The following IQCB1 variants were observed in gnomAD, a reference collection of about 807,000 sequenced individuals.
The protein encoded by IQCB1 is IQ motif containing B1.
A neutral mutation model predicts 84.4 loss-of-function variants in IQCB1; 56 were observed. The ratio of observed to expected loss-of-function variants is 0.66; its 90% CI spans 0.54 to 0.83. The LOEUF (loss-of-function observed/expected upper bound fraction) is 0.83, where lower values mean the gene tolerates loss of function less well. Ranked by LOEUF, IQCB1 falls within the 40% of genes least tolerant of loss-of-function variation. The pLI is 0.00. For synonymous variants in IQCB1, 210 were observed against 234.8 expected (o/e 0.89, Z 0.96); for missense variants, 629 against 682.1 (o/e 0.92, Z 0.87).
In IQCB1 at chr3:121,786,498, T is replaced by TA. The variant is rs10711478; in HGVS notation, c.1278+1785dup. 4.4e-4 allele frequency among the ~76,000 whole-genome samples: 65 copies of TA among 146,990 alleles called. No homozygotes were observed. In the Middle Eastern group the frequency reaches 0.014, roughly 33 times the overall value. ...GGTGACAGAGTGAGACCATGTCTCT[T>TA]AAAAAAAAAAAAAAGTAATCCTCTT... is the stretch of plus-strand genomic sequence containing the variant. On this transcript the variant is annotated intron_variant, in intron 12 of 14. Coordinates refer to ENST00000310864, the MANE Select transcript of IQCB1 (RefSeq NM_001023570.4).
intron 12 of IQCB1, among the ~76,000 whole-genome samples, chr3:121,782,852 G>T (rs902410628): frequency 3.9e-5 from 6 of 152,008 alleles, no homozygotes; most frequent in Non-Finnish European, 7.4e-5. Context: ...GCTAATTTTT[G>T]TATTTTTTAG....
chr3:121,824,117 AAAAGT>A (rs1353468397), intron 5 of IQCB1, among the ~76,000 whole-genome samples: 3 of 152,254 alleles, frequency 2.0e-5, no homozygotes, highest in Non-Finnish European at 4.4e-5. Flanking sequence ...ACAGAGGTTA[AAAAGT>A]AAAGGTTGAG....
At chr3:121,780,881 T>TGA (rs140189056) in intron 13 of IQCB1, among the ~76,000 whole-genome samples, 2,285 of 145,628 alleles carry the variant, frequency 0.016, 60 homozygotes, top group African/African-American at 0.053. Flanking sequence ...TGTGTGTGTG[T>TGA]GTGAGAGAGA....
intron 7 of IQCB1, among the ~76,000 whole-genome samples, chr3:121,804,995 A>G (rs1949553372): frequency 6.6e-6 from 1 of 152,022 alleles, no homozygotes; most frequent in Non-Finnish European, 1.5e-5. Context: ...CATCCAGTGT[A>G]TTTTTCATCT....
intron 5 of IQCB1, among the ~76,000 whole-genome samples, chr3:121,814,598 C>G (rs1020304801): frequency 7.9e-5 from 12 of 152,118 alleles, no homozygotes; most frequent in African/African-American, 2.9e-4. Context: ...ACTGATCCCA[C>G]AGAAATACAA....
intron 13 of IQCB1, among the ~76,000 whole-genome samples, chr3:121,773,744 T>C (rs1341029668): frequency 2.6e-5 from 4 of 151,892 alleles, no homozygotes; most frequent in African/African-American, 9.7e-5. Flanking sequence ...GAACTACATA[T>C]AGTGTATTAG....
intron 4 of IQCB1, among the ~76,000 whole-genome samples, chr3:121,827,536 A>T (rs1257321248): frequency 6.6e-6 from 1 of 152,122 alleles, no homozygotes; most frequent in Non-Finnish European, 1.5e-5. Context: ...AATCAATATC[A>T]TCATAAACTA....
At chr3:121,812,353 G>A (rs1338721430) in intron 5 of IQCB1, among the ~76,000 whole-genome samples, 1 of 152,144 alleles carries the variant, frequency 6.6e-6, no homozygotes, top group African/African-American at 2.4e-5. Context: ...CCAAAAACCA[G>A]AACGCCTCTT....
chr3:121,781,878 G>A lies in IQCB1; in HGVS notation c.1279-4C>T, dbSNP rs1336692734. On this transcript the variant is annotated splice_region_variant and splice_polypyrimidine_tract_variant and intron_variant, in intron 12 of 14. Coordinates refer to ENST00000310864, the MANE Select transcript of IQCB1 (RefSeq NM_001023570.4). ...ACTTCGCTAGGAATTTAAGCGCCTG[G>A]AAGAAAAAAAATTGAAGGTTTGTGA... The A allele has an allele frequency of 6.2e-6, 10 of 1,611,794 alleles. No homozygotes were observed. Among genetic ancestry groups the A allele is most frequent in the Non-Finnish European group, 7.6e-6 (9 of 1,178,806 alleles).
At chr3:121,776,044 G>GT (rs58487265) in intron 13 of IQCB1, among the ~76,000 whole-genome samples, 97,258 of 151,150 alleles carry the variant, frequency 0.64, 31,698 homozygotes, top group African/African-American at 0.71. Flanking sequence ...ATTCATCCAC[G>GT]TTTTTTTTTC....
intron 10 of IQCB1, among the ~76,000 whole-genome samples, chr3:121,794,627 C>G (rs1399150400): frequency 6.6e-6 from 1 of 152,090 alleles, no homozygotes; most frequent in South Asian, 2.1e-4. Context: ...AGAAAACGTT[C>G]ATCAATTAAT....
At chr3:121,789,701 C>A (rs1380985188) in intron 11 of IQCB1, among the ~76,000 whole-genome samples, 1 of 152,178 alleles carries the variant, frequency 6.6e-6, no homozygotes, top group Non-Finnish European at 1.5e-5. Context: ...GATGTCACAA[C>A]ATTTGTACTA....
chr3:121,772,905 GAGA>G (rs1030266518), intron 13 of IQCB1, among the ~76,000 whole-genome samples, 192 bp from the exon 14 acceptor site: 2 of 152,222 alleles, frequency 1.3e-5, no homozygotes, highest in African/African-American at 4.8e-5. Context: ...AATAATGGTG[GAGA>G]AGTTTTTTGT....
chr3:121,786,288 T>C (rs886481003), intron 12 of IQCB1, among the ~76,000 whole-genome samples: 2 of 151,472 alleles, frequency 1.3e-5, no homozygotes, highest in Non-Finnish European at 2.9e-5. Flanking sequence ...TATTTTTCTA[T>C]TTATTTTCTC....
Position 121,799,307 on chromosome 3 carries a change from A to C in IQCB1, c.655T>G (p.Phe219Val). The change falls in exon 8 of 15, where the codon TTT (phenylalanine) becomes GTT (valine). Residue 219 changes from phenylalanine (F) to valine (V), a missense_variant. Coordinates refer to ENST00000310864, the MANE Select transcript of IQCB1 (RefSeq NM_001023570.4). Reference protein sequence around the residue: ...SILDEVIFKLFSTPSPVIRST... With the variant: ...SILDEVIFKLVSTPSPVIRST... The stretch of plus-strand genomic sequence containing the variant: ...CTTATAACTGGACTAGGAGTTGAAA[A>C]AAGCTTGAAAATAACTTCATCTAAA... 1 of 1,606,456 alleles carries C rather than the reference A, an allele frequency of 6.2e-7. No homozygotes were observed. Among genetic ancestry groups the C allele is most frequent in the Non-Finnish European group, 8.5e-7 (1 of 1,174,194 alleles).
At position 121,784,897 on chromosome 3, in the gene IQCB1, C is replaced by T. The variant is rs141729241; in HGVS notation, c.1279-3023G>A. On this transcript the variant is annotated intron_variant, in intron 12 of 14. Transcript: ENST00000310864. ...TTATGTGTCCTAAGCTGGTCTCAAA[C>T]TCCTGAGCTCAAGTGATCCTCCCGC... is the stretch of plus-strand genomic sequence containing the variant. Among the ~76,000 whole-genome samples, 302 of 152,228 alleles carry T rather than the reference C, an allele frequency of 2.0e-3. 3 individuals carry two copies. Among genetic ancestry groups the T allele is most frequent in the African/African-American group, 7.0e-3 (292 of 41,540 alleles).
intron 13 of IQCB1, among the ~76,000 whole-genome samples, chr3:121,773,403 T>C (rs1005995360): frequency 3.3e-5 from 5 of 151,678 alleles, no homozygotes; most frequent in African/African-American, 7.3e-5. Context: ...TCTTATCCCA[T>C]TCTCACTCCC....
chr3:121,795,623 A>C, intron 9 of IQCB1, 57 bp from the exon 10 acceptor site: 1 of 993,360 alleles, frequency 1.0e-6, no homozygotes, highest in Non-Finnish European at 1.6e-6. Flanking sequence ...AAAAAAAAAA[A>C]AAGTTTACCT....
intron 13 of IQCB1, among the ~76,000 whole-genome samples, chr3:121,779,799 T>G (rs1948395380): frequency 6.6e-6 from 1 of 152,190 alleles, no homozygotes; most frequent in South Asian, 2.1e-4. Flanking sequence ...TTTTTTTGAC[T>G]CTTGATTTTA....
Sources: gnomAD v4.1 joint callset for allele counts (sites outside exome capture counted in the v4.1 genomes callset) on GRCh38, gnomAD v4.1.1 for gene constraint, MANE v1.5 for transcripts, NCBI Gene and HGNC (gene_info 2026-07-23, HGNC 2026-07-21) for gene names.